CDH13: variants seen among roughly 807,000 people sequenced by gnomAD.
The protein encoded by CDH13 is cadherin 13, also known as cadherin-13.
In CDH13, 24 loss-of-function variants were observed where a neutral mutation model predicts 63.8. The ratio of observed to expected loss-of-function variants is 0.38; its 90% CI spans 0.27 to 0.53. The LOEUF (loss-of-function observed/expected upper bound fraction) is 0.53, where lower values mean the gene tolerates loss of function less well. Among genes scored for constraint, CDH13 ranks in the 20% least tolerant of loss-of-function variants. The pLI is 0.85. For synonymous variants in CDH13, 503 were observed against 355.3 expected (o/e 1.42, Z -4.67); for missense variants, 1,049 against 903.1 (o/e 1.16, Z -2.07).
intron 1 of CDH13, among the ~76,000 whole-genome samples, chr16:82,721,994 A>G (rs1350043796): frequency 3.3e-5 from 5 of 152,152 alleles, no homozygotes; most frequent in African/African-American, 1.2e-4. Flanking sequence ...TCTCTCACTG[A>G]CCCATAGTCG....
At position 83,797,433 on chromosome 16, in the gene CDH13, C is replaced by T. The variant is rs1287697431; in HGVS notation, c.*2403C>T. On this transcript the variant is annotated 3_prime_UTR_variant, in exon 14 of 14. Transcript: ENST00000567109. ...ACACTTCATTAATAAATAGAATATGCCTCAACTTTCCCTTATTTAAACATA... is the reference window on the plus strand; with the variant it reads ...ACACTTCATTAATAAATAGAATATGTCTCAACTTTCCCTTATTTAAACATA... 1 of 152,138 alleles carries T rather than the reference C, an allele frequency of 6.6e-6. No individual in the cohort carries two copies. Among genetic ancestry groups the T allele is most frequent in the Non-Finnish European group, 1.5e-5 (1 of 68,032 alleles). The allele number at this position is 152,138 out of a possible 1,614,324, so 9.4% of individuals were successfully genotyped here. A position where few individuals can be genotyped will look rare whatever the true frequency, so the allele number is the denominator to read the frequency against.
At chr16:82,891,071 C>T (rs1266568488) in intron 2 of CDH13, among the ~76,000 whole-genome samples, 4 of 142,220 alleles carry the variant, frequency 2.8e-5, no homozygotes, top group South Asian at 4.6e-4. Flanking sequence ...TGTTGTTGGT[C>T]GTGATGGTGT....
At chr16:83,652,364 T>A (rs767327185) in intron 8 of CDH13, among the ~76,000 whole-genome samples, 32 of 152,176 alleles carry the variant, frequency 2.1e-4, no homozygotes, top group Non-Finnish European at 4.0e-4. Flanking sequence ...ACCAAGTGTG[T>A]CAATCTCCCT....
intron 3 of CDH13, among the ~76,000 whole-genome samples, chr16:83,046,360 T>A (rs1215903530): frequency 6.6e-6 from 1 of 152,188 alleles, no homozygotes; most frequent in Non-Finnish European, 1.5e-5. Context: ...AGACAACTGT[T>A]TTTCTTCCAG....
chr16:82,998,896 CT>C (rs1912549821), intron 2 of CDH13, among the ~76,000 whole-genome samples: 1 of 142,010 alleles, frequency 7.0e-6, no homozygotes, highest in African/African-American at 2.7e-5. Context: ...ACTGCCCCTT[CT>C]CATTTTTAAC....
At chr16:83,694,951 A>G (rs1905234244) in intron 10 of CDH13, among the ~76,000 whole-genome samples, 1 of 152,192 alleles carries the variant, frequency 6.6e-6, no homozygotes, top group African/African-American at 2.4e-5. Context: ...TCACGCCTAT[A>G]ATCCCAGCAT....
At chr16:83,699,281 A>C (rs1169155553) in intron 10 of CDH13, among the ~76,000 whole-genome samples, 3 of 152,210 alleles carry the variant, frequency 2.0e-5, no homozygotes, top group Admixed American at 2.0e-4. Context: ...TTTTTCTGTC[A>C]ACAAATCAAA....
chr16:83,066,393 A>G (rs2032012079), intron 3 of CDH13, among the ~76,000 whole-genome samples: 1 of 152,190 alleles, frequency 6.6e-6, no homozygotes, highest in African/African-American at 2.4e-5. Context: ...TGCTAATCCC[A>G]GGAAAAGTCC....
At chr16:82,791,647 C>G (rs1254250233) in intron 1 of CDH13, among the ~76,000 whole-genome samples, 2 of 152,184 alleles carry the variant, frequency 1.3e-5, no homozygotes, top group African/African-American at 2.4e-5. Flanking sequence ...GACTTCCACC[C>G]CTCTGGATCC....
At chr16:83,400,009 G>A (rs2091944018) in intron 6 of CDH13, among the ~76,000 whole-genome samples, 1 of 152,082 alleles carries the variant, frequency 6.6e-6, no homozygotes, top group South Asian at 2.1e-4. Context: ...AGAATTGTAT[G>A]GTGCCTAATG....
intron 1 of CDH13, among the ~76,000 whole-genome samples, chr16:82,677,354 G>C (rs182386488): frequency 6.7e-6 from 1 of 149,978 alleles, no homozygotes; most frequent in Admixed American, 6.6e-5. Flanking sequence ...TAGCCCAGGT[G>C]TTTACAATTC....
chr16:83,729,995 T>A, intron 10 of CDH13, among the ~76,000 whole-genome samples: 1 of 152,222 alleles, frequency 6.6e-6, no homozygotes, highest in East Asian at 1.9e-4. Flanking sequence ...GCCTGCCACA[T>A]GTTTGCATGT....
At chr16:82,800,351 A>C (rs1279484286) in intron 1 of CDH13, among the ~76,000 whole-genome samples, 1 of 152,152 alleles carries the variant, frequency 6.6e-6, no homozygotes, top group Non-Finnish European at 1.5e-5. Context: ...AGCCAGTCTG[A>C]GGCAAAAGCT....
intron 3 of CDH13, among the ~76,000 whole-genome samples, chr16:83,117,498 T>C (rs1002743463): frequency 6.6e-6 from 1 of 152,124 alleles, no homozygotes; most frequent in Non-Finnish European, 1.5e-5. Context: ...CTGATCTTTT[T>C]TCTCTTGAGC....
intron 7 of CDH13, among the ~76,000 whole-genome samples, chr16:83,518,546 C>T (rs1443455262): frequency 2.0e-5 from 3 of 149,572 alleles, no homozygotes; most frequent in Non-Finnish European, 4.4e-5. Flanking sequence ...AATGTTGGCT[C>T]ACTGCAAGCT....
At chr16:83,188,986 A>G (rs1167995997) in intron 4 of CDH13, among the ~76,000 whole-genome samples, 1 of 152,176 alleles carries the variant, frequency 6.6e-6, no homozygotes, top group African/African-American at 2.4e-5. Flanking sequence ...GATCTCAGTC[A>G]TGGAAGTTCA....
At chr16:83,285,628 A>G (rs1253857524) in intron 5 of CDH13, among the ~76,000 whole-genome samples, 2 of 152,202 alleles carry the variant, frequency 1.3e-5, no homozygotes, top group African/African-American at 4.8e-5. Flanking sequence ...GATTTCAAGT[A>G]TACAGTGGAT....
chr16:82,972,114 TA>T (rs1263355951), intron 2 of CDH13, among the ~76,000 whole-genome samples: 1 of 152,132 alleles, frequency 6.6e-6, no homozygotes, highest in African/African-American at 2.4e-5. Context: ...AGGGTGAGGC[TA>T]AATCCCAAAA....
chr16:83,349,016 A>G (rs551016902), intron 6 of CDH13, among the ~76,000 whole-genome samples: 1 of 152,314 alleles, frequency 6.6e-6, no homozygotes, highest in Admixed American at 6.5e-5. Flanking sequence ...CTCGGCACCA[A>G]TCTATCACAA....
Sources: gnomAD v4.1 joint callset for allele counts (sites outside exome capture counted in the v4.1 genomes callset) on GRCh38, gnomAD v4.1.1 for gene constraint, MANE v1.5 for transcripts, NCBI Gene and HGNC (gene_info 2026-07-23, HGNC 2026-07-21) for gene names.